Variants in KCNT2 observed in about 807,000 individuals in gnomAD.
The protein encoded by KCNT2 is potassium sodium-activated channel subfamily T member 2, also known as potassium channel subfamily T member 2.
KCNT2 carries 67 observed loss-of-function variants against 153.8 expected under a neutral mutation model. The observed-to-expected ratio is 0.44, with a 90% CI of 0.36 to 0.53. KCNT2 has a LOEUF of 0.53. Ranked by LOEUF, KCNT2 falls within the 20% of genes least tolerant of loss-of-function variation. The probability of loss-of-function intolerance (pLI) is 0.00; values close to 1 mark genes in which losing one functional copy is unlikely to be tolerated. For missense variants in KCNT2, 975 were observed against 1,354.8 expected, an observed-to-expected ratio of 0.72 and a Z score of 4.40; for synonymous variants, 500 against 458.8, an observed-to-expected ratio of 1.09 and a Z score of -1.15.
intron 26 of KCNT2, chr1:196,257,400 C>G (rs984934223): frequency 1.0e-6 from 1 of 973,310 alleles, no homozygotes; most frequent in Non-Finnish European, 1.2e-6. Context: ...TATGGAATAC[C>G]TTCTATTTGA....
intron 20 of KCNT2, among the ~76,000 whole-genome samples, chr1:196,317,955 T>C (rs1194493211): frequency 6.6e-6 from 1 of 151,732 alleles, no homozygotes; most frequent in Admixed American, 6.6e-5. Flanking sequence ...TATTTTCTGC[T>C]TTAAGATTAT....
At chr1:196,392,046 T>G (rs989801366) in intron 13 of KCNT2, among the ~76,000 whole-genome samples, 2 of 151,452 alleles carry the variant, frequency 1.3e-5, no homozygotes, top group Non-Finnish European at 3.0e-5. Flanking sequence ...AGCATTGTTA[T>G]GTAGCAGAAT....
intron 25 of KCNT2, among the ~76,000 whole-genome samples, chr1:196,260,798 A>G (rs1189425725): frequency 6.6e-6 from 1 of 151,878 alleles, no homozygotes; most frequent in Non-Finnish European, 1.5e-5. Context: ...TTTCTCCACA[A>G]TAAAACTGCA....
At chr1:196,549,651 C>A (rs889510566) in intron 1 of KCNT2, among the ~76,000 whole-genome samples, 1 of 151,980 alleles carries the variant, frequency 6.6e-6, no homozygotes, top group Non-Finnish European at 1.5e-5. Flanking sequence ...AACTCTGGGA[C>A]CAGCCTTCAA....
intron 23 of KCNT2, 38 bp downstream of exon 23, chr1:196,285,619 C>A: frequency 7.8e-7 from 1 of 1,284,222 alleles, no homozygotes; most frequent in Non-Finnish European, 1.1e-6. Context: ...AAACAGAAAA[C>A]AACCATTTTA....
At chr1:196,265,764 T>C (rs1037303036) in intron 25 of KCNT2, among the ~76,000 whole-genome samples, 7 of 152,118 alleles carry the variant, frequency 4.6e-5, no homozygotes, top group Non-Finnish European at 1.0e-4. Context: ...TATGCCTCCA[T>C]AACAGCACAG....
intron 8 of KCNT2, among the ~76,000 whole-genome samples, chr1:196,464,331 T>C (rs1207017152): frequency 6.6e-6 from 1 of 151,912 alleles, no homozygotes; most frequent in Non-Finnish European, 1.5e-5. Flanking sequence ...GCATTAAGTA[T>C]GCTAAAATAG....
At chr1:196,452,755 A>G (rs1469126417) in intron 8 of KCNT2, among the ~76,000 whole-genome samples, 1 of 151,912 alleles carries the variant, frequency 6.6e-6, no homozygotes. Context: ...TCACTAAACT[A>G]TGAAGGCTGA....
At chr1:196,509,908 A>G (rs1189586688) in intron 1 of KCNT2, among the ~76,000 whole-genome samples, 1 of 152,192 alleles carries the variant, frequency 6.6e-6, no homozygotes, top group African/African-American at 2.4e-5. Flanking sequence ...CCATAGGACT[A>G]TCTTGAGAAG....
intron 1 of KCNT2, among the ~76,000 whole-genome samples, chr1:196,596,054 G>GTATATA (rs766378425): frequency 3.8e-4 from 52 of 138,450 alleles, no homozygotes; most frequent in African/African-American, 1.6e-3. Context: ...ATTCCATGAT[G>GTATATA]TGTATATATA....
chr1:196,406,777 C>G (rs1300525825), intron 12 of KCNT2, among the ~76,000 whole-genome samples: 2 of 151,168 alleles, frequency 1.3e-5, no homozygotes, highest in Non-Finnish European at 3.0e-5. Context: ...CTTGCTTTTT[C>G]AATAATCTCT....
chr1:196,517,077 A>G (rs1245234638), intron 1 of KCNT2, among the ~76,000 whole-genome samples: 1 of 152,064 alleles, frequency 6.6e-6, no homozygotes, highest in South Asian at 2.1e-4. Context: ...TACAGCCTTC[A>G]TGCTTGCTGT....
At chr1:196,568,300 T>C (rs1048521668) in intron 1 of KCNT2, among the ~76,000 whole-genome samples, 3 of 151,878 alleles carry the variant, frequency 2.0e-5, no homozygotes, top group Non-Finnish European at 4.4e-5. Context: ...TCTATAAAAA[T>C]CTAATGCCAC....
In KCNT2 at chr1:196,457,988, G is replaced by A. The variant is rs568324843; in HGVS notation, c.638+7305C>T. Among the ~76,000 whole-genome samples the A allele has an allele frequency of 1.1e-4, 17 of 151,966 alleles. 2 individuals carry two copies. In the East Asian group the frequency reaches 3.3e-3, roughly 30 times the overall value. ...GAACGTTTGAGTTATTAAAGGCAAA[G>A]CTCCCAGTGCAGATAACGCACGAGA... On this transcript the variant is annotated intron_variant, in intron 8 of 27. Coordinates refer to ENST00000294725, the MANE Select transcript of KCNT2 (RefSeq NM_198503.5).
chr1:196,347,525 C>T (rs1481050998), intron 14 of KCNT2, among the ~76,000 whole-genome samples: 1 of 152,128 alleles, frequency 6.6e-6, no homozygotes, highest in Non-Finnish European at 1.5e-5. Context: ...CCAGTGAATG[C>T]TTTCACAAAT....
chr1:196,438,993 T>C (rs1674977321), intron 8 of KCNT2, among the ~76,000 whole-genome samples: 1 of 151,882 alleles, frequency 6.6e-6, no homozygotes, highest in African/African-American at 2.4e-5. Context: ...TTGTGAATGT[T>C]AAGTATACCT....
chr1:196,228,215 T>A lies in KCNT2; in HGVS notation c.*9A>T. On this transcript the variant is annotated 3_prime_UTR_variant, in exon 28 of 28. Transcript: ENST00000294725. ...CTTTGTAGGAAAAAAGTTTCTCATT[T>A]TATTTTTATCAAAGTTGAGTTTCCT... 6.4e-7 allele frequency: 1 copy of A among 1,566,600 alleles called. No individual in the cohort carries two copies. Among genetic ancestry groups the A allele is most frequent in the Non-Finnish European group, 8.8e-7 (1 of 1,141,074 alleles).
chr1:196,258,131 T>C, intron 26 of KCNT2, 63 bp downstream of exon 26: 1 of 1,544,124 alleles, frequency 6.5e-7, no homozygotes, highest in South Asian at 1.2e-5. Flanking sequence ...TAGAACCAAC[T>C]ATATTACTAC....
In KCNT2 at chr1:196,500,514, G is replaced by A. The variant is rs192183574; in HGVS notation, c.96-8173C>T. Reference sequence around the variant, plus strand: ...TTGTAAAATATTATAAAAGAACATTGTAAATAACAGATCCACCCACAAATA... The same window carrying A: ...TTGTAAAATATTATAAAAGAACATTATAAATAACAGATCCACCCACAAATA... On this transcript the variant is annotated intron_variant, in intron 1 of 27. Coordinates refer to ENST00000294725, the MANE Select transcript of KCNT2 (RefSeq NM_198503.5). Among the ~76,000 whole-genome samples, 146 of 152,260 alleles carry A rather than the reference G, an allele frequency of 9.6e-4. 1 individual carries two copies. The highest frequency in any genetic ancestry group is 3.4e-3 in the Middle Eastern group (1 of 292).
Sources: allele counts gnomAD v4.1 joint callset (sites outside exome capture counted in the v4.1 genomes callset), GRCh38; gene constraint gnomAD v4.1.1; transcripts MANE v1.5; gene names NCBI Gene and HGNC (gene_info 2026-07-23, HGNC 2026-07-21).